JMJD1C: variants seen among roughly 807,000 people sequenced by gnomAD.
The protein encoded by JMJD1C is jumonji domain containing 1C, also known as jumonji domain-containing protein 1C.
In JMJD1C, 31 loss-of-function variants were observed where a neutral mutation model predicts 245.3. That is an observed-to-expected ratio of 0.13 (90% CI 0.09 to 0.17). The LOEUF (loss-of-function observed/expected upper bound fraction) is 0.17. Among genes scored for constraint, JMJD1C ranks in the 10% least tolerant of loss-of-function variants. JMJD1C has a pLI of 1.00. For missense variants in JMJD1C, 2,691 were observed against 3,000.2 expected (o/e 0.90, Z 2.41); for synonymous variants, 1,057 against 1,017.4 (o/e 1.04, Z -0.74).
intron 2 of JMJD1C, chr10:63,359,198 T>C (rs946839129): frequency 6.6e-6 from 1 of 152,274 alleles, no homozygotes; most frequent in African/African-American, 2.4e-5. Flanking sequence ...CTATTATAAT[T>C]TCTCACTATT....
At chr10:63,216,645 G>A (rs1323298235) in intron 5 of JMJD1C, among the ~76,000 whole-genome samples, 1 of 152,160 alleles carries the variant, frequency 6.6e-6, no homozygotes, top group East Asian at 1.9e-4. Context: ...AGGTGGTGGA[G>A]CTTACAGTGA....
At chr10:63,359,702 T>C (rs1353917861) in intron 2 of JMJD1C, among the ~76,000 whole-genome samples, 1 of 152,228 alleles carries the variant, frequency 6.6e-6, no homozygotes, top group Non-Finnish European at 1.5e-5. Context: ...TCCTGTTTCA[T>C]GAAATCATTT....
At chr10:63,490,485 G>T (rs913594679) in intron 1 of JMJD1C, among the ~76,000 whole-genome samples, 1 of 147,214 alleles carries the variant, frequency 6.8e-6, no homozygotes, top group Non-Finnish European at 1.5e-5. Flanking sequence ...GTGCAATCTT[G>T]GCTCCCCGCA....
Position 63,401,998 on chromosome 10 carries a change from G to C in JMJD1C, c.169-21516C>G, listed in dbSNP as rs546380791. Among the ~76,000 whole-genome samples the C allele has an allele frequency of 8.5e-5, 13 of 152,168 alleles. No individual in the cohort carries two copies. In the South Asian group the frequency reaches 2.5e-3, roughly 29 times the overall value. On this transcript the variant is annotated intron_variant, in intron 1 of 25. Coordinates refer to ENST00000399262, the MANE Select transcript of JMJD1C (RefSeq NM_032776.3). ...AAAAATACAAAATTAGCCAGGCGTGGTGGTGCATGCCTGTAATGTCAGCTA... is the reference window on the plus strand; with the variant it reads ...AAAAATACAAAATTAGCCAGGCGTGCTGGTGCATGCCTGTAATGTCAGCTA...
chr10:63,457,055 G>A (rs1054636861), intron 1 of JMJD1C, among the ~76,000 whole-genome samples: 2 of 152,134 alleles, frequency 1.3e-5, no homozygotes, highest in African/African-American at 2.4e-5. Flanking sequence ...TCTGCATAGT[G>A]CTGACTTATG....
At chr10:63,521,632 G>A (rs1310446294) in intron 1 of JMJD1C, 3 of 1,297,332 alleles carry the variant, frequency 2.3e-6, no homozygotes, top group South Asian at 1.8e-5. Flanking sequence ...GGAGCTGTGG[G>A]AAGGGGAAGG....
intron 2 of JMJD1C, among the ~76,000 whole-genome samples, chr10:63,348,276 A>G (rs1017826065): frequency 1.3e-5 from 2 of 152,086 alleles, no homozygotes; most frequent in African/African-American, 4.8e-5. Flanking sequence ...ACCAGGGCAG[A>G]TATCTTAAGC....
chr10:63,397,687 C>T (rs1948594538), intron 1 of JMJD1C, among the ~76,000 whole-genome samples: 1 of 143,576 alleles, frequency 7.0e-6, no homozygotes, highest in Non-Finnish European at 1.5e-5. Context: ...CATGTGCCAC[C>T]ACACCCAGGT....
chr10:63,428,075 ATAT>A, intron 1 of JMJD1C: 1 of 496,322 alleles, frequency 2.0e-6, no homozygotes, highest in Non-Finnish European at 3.6e-6. Context: ...ACATATATAT[ATAT>A]TAAGACAGCT....
chr10:63,236,625 T>TA (rs1395922279), intron 3 of JMJD1C, among the ~76,000 whole-genome samples: 1 of 152,138 alleles, frequency 6.6e-6, no homozygotes, highest in East Asian at 1.9e-4. Context: ...TCCTCAAACT[T>TA]AAACTGAAAC....
chr10:63,503,530 T>C (rs879575177), intron 1 of JMJD1C, among the ~76,000 whole-genome samples: 3 of 152,202 alleles, frequency 2.0e-5, no homozygotes, highest in Non-Finnish European at 2.9e-5. Flanking sequence ...TAAAGGTTTC[T>C]ATACCAGTAA....
intron 1 of JMJD1C, among the ~76,000 whole-genome samples, chr10:63,381,949 T>C (rs1299929641): frequency 6.6e-6 from 1 of 152,206 alleles, no homozygotes; most frequent in Non-Finnish European, 1.5e-5. Context: ...CGATGGCTCA[T>C]GCCTGTAATT....
At chr10:63,416,889 CA>C (rs1366155846) in intron 1 of JMJD1C, among the ~76,000 whole-genome samples, 2 of 152,070 alleles carry the variant, frequency 1.3e-5, no homozygotes, top group Non-Finnish European at 2.9e-5. Context: ...TTTCACACTG[CA>C]AAAAGTGCTG....
At chr10:63,460,241 T>C (rs1168616996) in intron 1 of JMJD1C, among the ~76,000 whole-genome samples, 3 of 151,966 alleles carry the variant, frequency 2.0e-5, no homozygotes, top group Non-Finnish European at 4.4e-5. Flanking sequence ...TAAGGTCAGG[T>C]GTAGGTGGCA....
At chr10:63,195,344 ACAC>A (rs1221921290) in intron 13 of JMJD1C, among the ~76,000 whole-genome samples, 3 of 137,376 alleles carry the variant, frequency 2.2e-5, no homozygotes, top group African/African-American at 7.7e-5. Context: ...ATAGAGCAAG[ACAC>A]CATCTCAAAA....
At chr10:63,301,680 G>A (rs149961229) in intron 2 of JMJD1C, 3 of 418,754 alleles carry the variant, frequency 7.2e-6, no homozygotes, top group South Asian at 1.7e-5. Flanking sequence ...AGGGGAGAGA[G>A]AGCATTAGGA....
At chr10:63,185,496 T>A in intron 20 of JMJD1C, 67 bp downstream of exon 20, 1 of 877,744 alleles carries the variant, frequency 1.1e-6, no homozygotes, top group East Asian at 2.4e-5. Context: ...CGGTTACTTA[T>A]CCTATCTCTG....
Position 63,215,418 on chromosome 10 carries a change from G to A in JMJD1C, c.860C>T (p.Pro287Leu). The A allele has an allele frequency of 6.2e-7, 1 of 1,614,002 alleles. No homozygotes were observed. The highest frequency in any genetic ancestry group is 8.5e-7 in the Non-Finnish European group (1 of 1,179,998). The change falls in exon 7 of 26, where the codon CCA becomes CTA. Residue 287 changes from proline (P) to leucine (L), a missense_variant. By Grantham distance (98) the Pro-to-Leu change is moderately conservative. Around this residue, in one of 9 missense-constraint regions of JMJD1C, gnomAD observed 1,562 missense variants for 1,490.7 expected, o/e 1.05. Coordinates refer to ENST00000399262, the MANE Select transcript of JMJD1C (RefSeq NM_032776.3). ...TACAGCAGCTTGGGAGTTCATTGCT[G>A]GTCTGGGACTATTTGCTTGGGCACG... The part of the protein sequence containing the change: ...YTRAQANSPR[P>L]AMNSQAAVPK...
chr10:63,191,250 G>C, intron 16 of JMJD1C, 142 bp from the exon 17 acceptor site: 1 of 634,884 alleles, frequency 1.6e-6, no homozygotes, highest in Middle Eastern at 4.3e-4. Context: ...TCCTGTCTCA[G>C]CTTCCCAAGT....
Sources: gnomAD v4.1 joint callset for allele counts (sites outside exome capture counted in the v4.1 genomes callset) on GRCh38, gnomAD v4.1.1 for gene constraint, gnomAD v4.1.1 regional missense constraint, MANE v1.5 for transcripts, NCBI Gene and HGNC (gene_info 2026-07-23, HGNC 2026-07-21) for gene names.